The following SUGCT variants were observed in gnomAD, a reference collection of about 807,000 sequenced individuals.
The protein encoded by SUGCT is succinyl-CoA:glutarate CoA-transferase.
SUGCT carries 41 observed loss-of-function variants against 55.0 expected under a neutral mutation model. The observed-to-expected ratio is 0.74, with a 90% CI of 0.58 to 0.97. SUGCT has a LOEUF of 0.97. Ranked by LOEUF, SUGCT falls within the 50% of genes least tolerant of loss-of-function variation. SUGCT has a pLI of 0.00. For synonymous variants in SUGCT, 187 were observed against 200.4 expected (o/e 0.93, Z 0.56); for missense variants, 568 against 547.8 (o/e 1.04, Z -0.37).
chr7:40,193,849 C>G (rs1394002110), intron 5 of SUGCT, among the ~76,000 whole-genome samples: 1 of 152,046 alleles, frequency 6.6e-6, no homozygotes, highest in Non-Finnish European at 1.5e-5. Context: ...GATCTGCCCC[C>G]CTCGGCCTCC....
chr7:40,489,911 T>C (rs1325880503), intron 11 of SUGCT, among the ~76,000 whole-genome samples: 1 of 152,198 alleles, frequency 6.6e-6, no homozygotes, highest in Non-Finnish European at 1.5e-5. Context: ...GAGATATTTG[T>C]TACAGTCCTC....
At chr7:40,763,309 C>T (rs1788630051) in intron 13 of SUGCT, among the ~76,000 whole-genome samples, 1 of 152,018 alleles carries the variant, frequency 6.6e-6, no homozygotes, top group African/African-American at 2.4e-5. Context: ...CATTAGAATC[C>T]TCATTTCACA....
At chr7:40,249,344 T>TATATATATATATATATAA (rs1172651937) in intron 7 of SUGCT, among the ~76,000 whole-genome samples, 12 of 128,148 alleles carry the variant, frequency 9.4e-5, no homozygotes, top group African/African-American at 3.9e-4. Context: ...TATATATATA[T>TATATATATATATATATAA]ATAATTATAT....
chr7:40,426,648 G>C (rs921267531), intron 9 of SUGCT, among the ~76,000 whole-genome samples: 8 of 152,100 alleles, frequency 5.3e-5, no homozygotes, highest in Non-Finnish European at 1.2e-4. Flanking sequence ...GGGGATTCTG[G>C]AATTAGATTT....
At chr7:40,751,165 C>T (rs373197244) in intron 13 of SUGCT, among the ~76,000 whole-genome samples, 28 of 152,102 alleles carry the variant, frequency 1.8e-4, no homozygotes, top group Non-Finnish European at 2.4e-4. Context: ...AGGGGCAAAA[C>T]GAATAGAGGA....
At position 40,860,336 on chromosome 7, in the gene SUGCT, A is replaced by G. The variant is rs1340855792; in HGVS notation, c.1174A>G (p.Lys392Glu). 32 of 1,613,842 alleles carry G rather than the reference A, an allele frequency of 2.0e-5. No homozygotes were observed. Among genetic ancestry groups the G allele is most frequent in the Non-Finnish European group, 2.6e-5 (31 of 1,179,872 alleles). ...GGCAGGCCCAGCTGTGAGATACAGT[A>G]AGTTCAAGATGTCAGAGGCCAGGCC... ...SVPGPAVRYS[K>E]FKMSEARPPP... The change falls in exon 14 of 14, where the codon AAG becomes GAG. Residue 392 changes from lysine to glutamate, a missense_variant. Physicochemically the swap from Lys to Glu is moderately conservative, Grantham distance 56 (BLOSUM62 1). Coordinates refer to ENST00000335693, the MANE Select transcript of SUGCT (RefSeq NM_001193313.2).
chr7:40,336,556 C>G (rs935332993), intron 9 of SUGCT, among the ~76,000 whole-genome samples: 6 of 152,182 alleles, frequency 3.9e-5, no homozygotes, highest in Admixed American at 1.3e-4. Flanking sequence ...ATAGTATTCT[C>G]TGATGGTAGT....
chr7:40,662,565 C>T (rs1801385428), intron 12 of SUGCT, among the ~76,000 whole-genome samples: 1 of 152,194 alleles, frequency 6.6e-6, no homozygotes. Context: ...CTGCCAAGCT[C>T]ATCCCTATCA....
intron 12 of SUGCT, among the ~76,000 whole-genome samples, chr7:40,532,334 T>G (rs1794143406): frequency 6.6e-6 from 1 of 152,298 alleles, no homozygotes; most frequent in Admixed American, 6.5e-5. Flanking sequence ...AAATAGTCAT[T>G]CTTTTAAGTG....
At chr7:40,638,992 A>G (rs77336303) in intron 12 of SUGCT, among the ~76,000 whole-genome samples, 6,281 of 152,312 alleles carry the variant, frequency 0.041, 162 homozygotes, top group Non-Finnish European at 0.063. Flanking sequence ...AAAACACTTT[A>G]TTTAAATAGA....
intron 12 of SUGCT, among the ~76,000 whole-genome samples, chr7:40,708,553 C>T (rs1356000626): frequency 1.3e-5 from 2 of 152,104 alleles, no homozygotes; most frequent in African/African-American, 2.4e-5. Context: ...GGAGGCCTTC[C>T]GATCACATCA....
chr7:40,280,285 A>T (rs908857744), intron 8 of SUGCT, among the ~76,000 whole-genome samples: 1 of 152,186 alleles, frequency 6.6e-6, no homozygotes, highest in African/African-American at 2.4e-5. Context: ...TTTTGTCTGA[A>T]TATGATTTAA....
At chr7:40,378,954 G>C (rs1784738167) in intron 9 of SUGCT, among the ~76,000 whole-genome samples, 1 of 152,196 alleles carries the variant, frequency 6.6e-6, no homozygotes, top group Non-Finnish European at 1.5e-5. Context: ...CATATGTTAA[G>C]ATGTGATTAA....
chr7:40,198,780 T>C (rs1406390598), intron 6 of SUGCT, among the ~76,000 whole-genome samples: 3 of 151,516 alleles, frequency 2.0e-5, no homozygotes, highest in Non-Finnish European at 4.4e-5. Flanking sequence ...GCGGATCACC[T>C]GAGGTCAGGA....
At chr7:40,780,961 G>A (rs933283392) in intron 13 of SUGCT, among the ~76,000 whole-genome samples, 10 of 152,072 alleles carry the variant, frequency 6.6e-5, no homozygotes, top group African/African-American at 2.4e-4. Context: ...TTTACCAAAA[G>A]AAAAATTAAG....
At chr7:40,807,013 T>C (rs1212102579) in intron 13 of SUGCT, among the ~76,000 whole-genome samples, 1 of 152,138 alleles carries the variant, frequency 6.6e-6, no homozygotes, top group African/African-American at 2.4e-5. Context: ...AGTTGTACGA[T>C]TGAGTGAGTT....
chr7:40,532,372 C>T (rs1297144561), intron 12 of SUGCT, among the ~76,000 whole-genome samples: 2 of 151,952 alleles, frequency 1.3e-5, no homozygotes, highest in Non-Finnish European at 2.9e-5. Context: ...GGTTAATTCC[C>T]CTAAGGAGAG....
intron 13 of SUGCT, among the ~76,000 whole-genome samples, chr7:40,763,502 G>A (rs942555960): frequency 2.0e-5 from 3 of 152,146 alleles, no homozygotes; most frequent in African/African-American, 7.2e-5. Flanking sequence ...TTTAGGCTTA[G>A]TTTATATGAA....
At chr7:40,370,940 T>C (rs1352303464) in intron 9 of SUGCT, among the ~76,000 whole-genome samples, 1 of 152,104 alleles carries the variant, frequency 6.6e-6, no homozygotes, top group African/African-American at 2.4e-5. Flanking sequence ...TAGTTAACTC[T>C]CAGTACTGTT....
Sources: gnomAD v4.1 joint callset for allele counts (sites outside exome capture counted in the v4.1 genomes callset) on GRCh38, gnomAD v4.1.1 for gene constraint, MANE v1.5 for transcripts, NCBI Gene and HGNC (gene_info 2026-07-23, HGNC 2026-07-21) for gene names.